The following ANKS1B variants were observed in gnomAD, a reference collection of about 807,000 sequenced individuals.
The protein encoded by ANKS1B is ankyrin repeat and sterile alpha motif domain containing 1B, also known as ankyrin repeat and sterile alpha motif domain-containing protein 1B.
In ANKS1B, 36 loss-of-function variants were observed where a neutral mutation model predicts 148.3. The observed-to-expected ratio is 0.24, with a 90% CI of 0.19 to 0.32. The LOEUF (loss-of-function observed/expected upper bound fraction) is 0.32. ANKS1B is among the 10% of genes least tolerant of loss of function. The pLI is 1.00. For synonymous variants in ANKS1B, 542 were observed against 560.8 expected (o/e 0.97, Z 0.47); for missense variants, 1,157 against 1,542.6 (o/e 0.75, Z 4.19).
intron 14 of ANKS1B, among the ~76,000 whole-genome samples, chr12:99,194,592 C>T (rs866591283): frequency 2.0e-5 from 3 of 151,956 alleles, no homozygotes; most frequent in African/African-American, 7.2e-5. Flanking sequence ...GCCAATCAAC[C>T]ATTTGTGTTT....
intron 8 of ANKS1B, among the ~76,000 whole-genome samples, chr12:99,701,621 C>T (rs1030586361): frequency 6.6e-6 from 1 of 152,050 alleles, no homozygotes; most frequent in South Asian, 2.1e-4. Context: ...CTATTAAATA[C>T]TAGATCTTAT....
At position 99,484,769 on chromosome 12, in the gene ANKS1B, T is replaced by G. The variant is rs1238821798; in HGVS notation, c.1438+19707A>C. Among the ~76,000 whole-genome samples the G allele has an allele frequency of 8.0e-5, 12 of 149,642 alleles. 1 individual carries two copies. The highest frequency in any genetic ancestry group is 2.2e-4 in the African/African-American group (9 of 40,816). ...GTCTTTGTGTGTGTGTGTGTGTTTT[T>G]TTTTTTTTTTTTTTACCATTGGTGC... is the stretch of plus-strand genomic sequence containing the variant. On this transcript the variant is annotated intron_variant, in intron 10 of 26. Coordinates refer to ENST00000683438, the MANE Select transcript of ANKS1B (RefSeq NM_001352186.2).
intron 15 of ANKS1B, among the ~76,000 whole-genome samples, chr12:99,146,751 C>G (rs1209109989): frequency 6.6e-6 from 1 of 152,036 alleles, no homozygotes; most frequent in African/African-American, 2.4e-5. Flanking sequence ...TCCTGTCCTT[C>G]CTCGGTATCT....
intron 17 of ANKS1B, among the ~76,000 whole-genome samples, chr12:98,930,485 T>C (rs893969582): frequency 6.6e-6 from 1 of 152,166 alleles, no homozygotes; most frequent in Non-Finnish European, 1.5e-5. Flanking sequence ...TGTACATAAA[T>C]GTTTCTAGCA....
At chr12:99,290,143 T>C (rs555970759) in intron 12 of ANKS1B, among the ~76,000 whole-genome samples, 5 of 151,954 alleles carry the variant, frequency 3.3e-5, no homozygotes, top group African/African-American at 1.2e-4. Context: ...AGCAACTCTA[T>C]GCCAATAAAT....
intron 9 of ANKS1B, among the ~76,000 whole-genome samples, chr12:99,546,084 A>G (rs1034930628): frequency 1.1e-4 from 17 of 152,236 alleles, no homozygotes; most frequent in East Asian, 3.9e-4. Context: ...AGTTGAATGG[A>G]AGGATTAAAA....
chr12:99,740,268 C>A (rs1273876699), intron 8 of ANKS1B, among the ~76,000 whole-genome samples: 1 of 151,992 alleles, frequency 6.6e-6, no homozygotes, highest in Non-Finnish European at 1.5e-5. Context: ...CATGATCACA[C>A]AACTGTACTC....
chr12:99,135,296 ACACCTGCCTAGGAAGATTT>A (rs2067636828), intron 15 of ANKS1B, among the ~76,000 whole-genome samples: 1 of 152,356 alleles, frequency 6.6e-6, no homozygotes, highest in Non-Finnish European at 1.5e-5. Flanking sequence ...AAGAAATCCA[ACACCTGCCTAGGAAGATTT>A]CACAAAAAAG....
intron 9 of ANKS1B, among the ~76,000 whole-genome samples, chr12:99,647,105 A>G (rs1020173178): frequency 6.6e-6 from 1 of 152,208 alleles, no homozygotes; most frequent in African/African-American, 2.4e-5. Context: ...CACTTTAAAC[A>G]TTTCACTGAA....
chr12:98,793,331 G>C (rs1219935741), intron 22 of ANKS1B, among the ~76,000 whole-genome samples: 1 of 152,078 alleles, frequency 6.6e-6, no homozygotes, highest in East Asian at 1.9e-4. Context: ...TTTTAAAGTT[G>C]ATTATTTGTC....
chr12:99,017,575 C>T (rs1367677851), intron 17 of ANKS1B, among the ~76,000 whole-genome samples: 1 of 152,130 alleles, frequency 6.6e-6, no homozygotes, highest in East Asian at 1.9e-4. Flanking sequence ...CAGAGGTAGA[C>T]TCAGCATACG....
At chr12:98,987,288 A>G (rs1045469337) in intron 17 of ANKS1B, among the ~76,000 whole-genome samples, 1 of 151,904 alleles carries the variant, frequency 6.6e-6, no homozygotes, top group Non-Finnish European at 1.5e-5. Context: ...TTTTAACTTC[A>G]TTAAAAATTA....
intron 17 of ANKS1B, among the ~76,000 whole-genome samples, chr12:98,838,662 T>C (rs1024775816): frequency 1.3e-5 from 2 of 152,178 alleles, no homozygotes; most frequent in Admixed American, 1.3e-4. Context: ...CCTTCCATTT[T>C]AGGGGGTAGA....
chr12:99,627,867 G>T (rs1252394570), intron 9 of ANKS1B, among the ~76,000 whole-genome samples: 2 of 152,106 alleles, frequency 1.3e-5, no homozygotes, highest in Non-Finnish European at 2.9e-5. Flanking sequence ...GGAAGGAAAT[G>T]GACCTTAAAG....
intron 25 of ANKS1B, among the ~76,000 whole-genome samples, chr12:98,762,803 T>C (rs548814571): frequency 6.6e-6 from 1 of 152,368 alleles, no homozygotes; most frequent in Admixed American, 6.5e-5. Context: ...CTTATAGGGC[T>C]GATTCCCCCA....
chr12:98,798,483 T>TA lies in ANKS1B; in HGVS notation c.3342+450dup, dbSNP rs1288831046. On this transcript the variant is annotated intron_variant, in intron 22 of 26. Transcript: ENST00000683438. The stretch of plus-strand genomic sequence containing the variant: ...AGTTCATTCCACTCAAAGTTGAATT[T>TA]AAAAAAATAAAAAAAAAAAACTGAG... 1.2e-3 allele frequency among the ~76,000 whole-genome samples: 183 copies of TA among 147,320 alleles called. 1 individual carries two copies. Among genetic ancestry groups the TA allele is most frequent in the African/African-American group, 4.2e-3 (166 of 39,632 alleles).
chr12:99,900,537 A>G (rs1170496989), intron 1 of ANKS1B, among the ~76,000 whole-genome samples: 1 of 151,036 alleles, frequency 6.6e-6, no homozygotes, highest in African/African-American at 2.4e-5. Flanking sequence ...AACTATGTGA[A>G]GTAGCTCCTT....
At chr12:99,098,057 C>T (rs1402166158) in intron 15 of ANKS1B, among the ~76,000 whole-genome samples, 1 of 152,182 alleles carries the variant, frequency 6.6e-6, no homozygotes, top group African/African-American at 2.4e-5. Context: ...AACGGCTATT[C>T]ATTGAGAGTT....
intron 17 of ANKS1B, among the ~76,000 whole-genome samples, chr12:98,882,747 C>T (rs1179911618): frequency 4.1e-5 from 6 of 144,702 alleles, no homozygotes; most frequent in Non-Finnish European, 7.6e-5. Context: ...AAGTAACTGC[C>T]ATACTGCAAA....
Sources: gnomAD v4.1 joint callset for allele counts (sites outside exome capture counted in the v4.1 genomes callset) on GRCh38, gnomAD v4.1.1 for gene constraint, MANE v1.5 for transcripts, NCBI Gene and HGNC (gene_info 2026-07-23, HGNC 2026-07-21) for gene names.